Variants in MTFMT observed in about 807,000 individuals in gnomAD.
The protein encoded by MTFMT is methionyl-tRNA formyltransferase, mitochondrial.
A neutral mutation model predicts 51.8 loss-of-function variants in MTFMT; 47 were observed. The ratio of observed to expected loss-of-function variants is 0.91; its 90% CI spans 0.72 to 1.16. The LOEUF is 1.16. MTFMT is among the 50% of genes most tolerant of loss of function. MTFMT has a pLI of 0.00. For synonymous variants in MTFMT, 196 were observed against 176.7 expected (o/e 1.11, Z -0.87); for missense variants, 512 against 482.3 (o/e 1.06, Z -0.58).
rs142820826 is a variant in MTFMT, at chr15:65,022,066, G to T, written c.543-450C>A. ...TTGTATATGAAAAGCATAAGGCAAA[G>T]AATTTATTTTCCATGGAAGTACAGT... On this transcript the variant is annotated intron_variant, in intron 3 of 8. Transcript: ENST00000220058. Among the ~76,000 whole-genome samples the T allele has an allele frequency of 5.2e-3, 789 of 152,286 alleles. 7 individuals are homozygous for T. The highest frequency in any genetic ancestry group is 8.1e-3 in the Admixed American group (124 of 15,296).
rs192348424 is a variant in MTFMT at position 65,003,073 on chromosome 15, A to G, written c.1159T>C (p.Cys387Arg). The change falls in exon 9 of 9, where the codon TGC becomes CGC. Residue 387 changes from cysteine to arginine, a missense_variant. Physicochemically the swap from Cys to Arg is radical, Grantham distance 180. Coordinates refer to ENST00000220058, the MANE Select transcript of MTFMT (RefSeq NM_139242.4). Reference protein sequence around the residue: ...KQKKTVAMQQCIE With the variant: ...KQKKTVAMQQRIE ...CATCTTCTTCCTAACTACTCAATGC[A>G]TTGTTGCATAGCAACAGTTTTTTTC... The G allele has an allele frequency of 1.9e-5, 30 of 1,593,668 alleles. No homozygotes were observed. Among genetic ancestry groups the G allele is most frequent in the Non-Finnish European group, 7.7e-6 (9 of 1,169,148 alleles).
Position 65,004,866 on chromosome 15 carries a change from C to A in MTFMT, c.963G>T (p.Leu321Phe). The A allele has an allele frequency of 6.2e-7, 1 of 1,600,424 alleles. No individual in the cohort carries two copies. Among genetic ancestry groups the A allele is most frequent in the South Asian group, 1.1e-5 (1 of 89,110 alleles). Residue 321 changes from leucine to phenylalanine, a missense_variant, in exon 8 of 9, where the codon TTG becomes TTT. By Grantham distance (22) the Leu-to-Phe change is conservative. Transcript: ENST00000220058. ...ATGAAAAACATACCTTGCAATAAAC[C>A]AATAGTATTTGTGACTGTTTGTGGT... ...VIYHKQSQILLVYCKDGWIGV... is the reference protein window; with the variant it reads ...VIYHKQSQILFVYCKDGWIGV...
intron 6 of MTFMT, among the ~76,000 whole-genome samples, chr15:65,013,863 A>G (rs1012885116): frequency 2.0e-5 from 3 of 152,002 alleles, no homozygotes; most frequent in Non-Finnish European, 4.4e-5. Context: ...GAATTGCTAG[A>G]GCCCAGAAGG....
intron 3 of MTFMT, among the ~76,000 whole-genome samples, chr15:65,022,992 A>AT (rs2140487148): frequency 6.6e-6 from 1 of 152,224 alleles, no homozygotes; most frequent in South Asian, 2.1e-4. Context: ...CCTGGCTCAG[A>AT]TTTTAGAACT....
At chr15:65,026,788 G>T in intron 2 of MTFMT, 43 bp downstream of exon 2, 1 of 1,481,452 alleles carries the variant, frequency 6.8e-7, no homozygotes, top group Non-Finnish European at 9.3e-7. Context: ...CATTTATAAA[G>T]ACCAAGGTTT....
Position 65,026,903 on chromosome 15 carries a change from C to T in MTFMT, c.347G>A (p.Gly116Glu). 1.2e-6 allele frequency: 2 copies of T among 1,614,010 alleles called. No homozygotes were observed. The highest frequency in any genetic ancestry group is 1.7e-6 in the Non-Finnish European group (2 of 1,179,894). ...AGCCACTACTCCAACATCATATTCTCCAGATCCCACATCCGGCCACTCATA... is the reference window on the plus strand; with the variant it reads ...AGCCACTACTCCAACATCATATTCTTCAGATCCCACATCCGGCCACTCATA... ...PVYEWPDVGS[G>E]EYDVGVVASF... Residue 116 changes from glycine (G) to glutamate (E), a missense_variant, in exon 2 of 9, where the codon GGA (glycine) becomes GAA (glutamate). By Grantham distance (98) the Gly-to-Glu change is moderately conservative (BLOSUM62 -2). Transcript: ENST00000220058.
chr15:65,029,299 C>T lies in MTFMT; in HGVS notation c.209+106G>A, dbSNP rs1192927403. 12 of 1,328,576 alleles carry T rather than the reference C, an allele frequency of 9.0e-6. No homozygotes were observed. The African/African-American group carries it at 1.2e-4, about 14-fold the overall frequency. 82.3% of individuals were successfully genotyped at this position (1,328,576 alleles called of 1,614,324 possible). On this transcript the variant is annotated intron_variant, in intron 1 of 8. Coordinates refer to ENST00000220058, the MANE Select transcript of MTFMT (RefSeq NM_139242.4). ...GAGATCTGGGCCCACACCGCTCTGC[C>T]GCCCATGCTTTCCGCAACCAGAAGT...
intron 1 of MTFMT, among the ~76,000 whole-genome samples, chr15:65,028,078 TAAAG>T (rs1276652718): frequency 5.3e-5 from 8 of 152,100 alleles, no homozygotes; most frequent in Non-Finnish European, 1.2e-4. Flanking sequence ...TGGGGCACTA[TAAAG>T]AAAGCACAGG....
At chr15:65,012,204 T>G (rs1322079104) in intron 6 of MTFMT, among the ~76,000 whole-genome samples, 3 of 147,034 alleles carry the variant, frequency 2.0e-5, no homozygotes, top group African/African-American at 7.6e-5. Flanking sequence ...ATATACCTCA[T>G]GTAAATGATG....
chr15:65,020,407 CT>C, intron 4 of MTFMT, 135 bp from the exon 5 acceptor site: 1 of 747,420 alleles, frequency 1.3e-6, no homozygotes, highest in Non-Finnish European at 2.1e-6. Context: ...AAAAAAAAAT[CT>C]TTACTATTGG....
At chr15:65,004,961 T>C (rs780944948) in intron 7 of MTFMT, 25 bp from the exon 8 acceptor site, 31 of 1,551,230 alleles carry the variant, frequency 2.0e-5, no homozygotes, top group Non-Finnish European at 2.6e-5. Context: ...AAAGAAAAGA[T>C]ATACAAGAGA....
In MTFMT at chr15:65,003,594, C is replaced by T. The variant is rs144652558; in HGVS notation, c.976-338G>A. 2.8e-3 allele frequency among the ~76,000 whole-genome samples: 420 copies of T among 151,454 alleles called. 3 individuals carry two copies. The highest frequency in any genetic ancestry group is 8.6e-3 in the African/African-American group (356 of 41,254). On this transcript the variant is annotated intron_variant, in intron 8 of 8. Coordinates refer to ENST00000220058, the MANE Select transcript of MTFMT (RefSeq NM_139242.4). ...CATATAGGCCAGGCGTGGTGGCTCACGCCTGTAATCCCAGCACTTTGGGAG... is the reference window on the plus strand; with the variant it reads ...CATATAGGCCAGGCGTGGTGGCTCATGCCTGTAATCCCAGCACTTTGGGAG...
At chr15:65,011,619 C>T (rs1480569254) in intron 6 of MTFMT, among the ~76,000 whole-genome samples, 1 of 150,872 alleles carries the variant, frequency 6.6e-6, no homozygotes, top group African/African-American at 2.4e-5. Context: ...ATTCCAGCCT[C>T]CCAAGTAGCT....
intron 6 of MTFMT, among the ~76,000 whole-genome samples, chr15:65,013,618 A>G (rs2086288877): frequency 6.6e-6 from 1 of 152,148 alleles, no homozygotes; most frequent in Non-Finnish European, 1.5e-5. Context: ...ACTGATTTTC[A>G]TATGTTGAAC....
At chr15:65,020,077 C>G (rs1267825476) in intron 5 of MTFMT, 120 bp downstream of exon 5, 1 of 859,116 alleles carries the variant, frequency 1.2e-6, no homozygotes, top group African/African-American at 1.7e-5. Flanking sequence ...GAAAAGCACA[C>G]AAAAGTGGGC....
intron 6 of MTFMT, among the ~76,000 whole-genome samples, chr15:65,012,897 GA>G (rs893996757): frequency 6.6e-6 from 1 of 152,070 alleles, no homozygotes; most frequent in African/African-American, 2.4e-5. Flanking sequence ...AGCCAATTGG[GA>G]TTTTTTTTTT....
chr15:65,020,457 T>C (rs1295597453), intron 4 of MTFMT, among the ~76,000 whole-genome samples, 185 bp from the exon 5 acceptor site: 2 of 152,214 alleles, frequency 1.3e-5, no homozygotes, highest in Non-Finnish European at 2.9e-5. Flanking sequence ...AAGATCTATG[T>C]GGCAGGGTAA....
At chr15:65,003,374 A>G in intron 8 of MTFMT, 118 bp from the exon 9 acceptor site, 1 of 750,142 alleles carries the variant, frequency 1.3e-6, no homozygotes. Context: ...TCTTTACTAA[A>G]TGCCTAGCTG....
intron 5 of MTFMT, among the ~76,000 whole-genome samples, chr15:65,019,022 C>T (rs1057001857): frequency 3.9e-5 from 6 of 152,134 alleles, no homozygotes; most frequent in Admixed American, 3.9e-4. Context: ...ATTTTGTAAT[C>T]CATAGTGAAA....
Sources: gnomAD v4.1 joint callset for allele counts (sites outside exome capture counted in the v4.1 genomes callset) on GRCh38, gnomAD v4.1.1 for gene constraint, MANE v1.5 for transcripts, NCBI Gene and HGNC (gene_info 2026-07-23, HGNC 2026-07-21) for gene names.